SLC26A5: variants seen among roughly 807,000 people sequenced by gnomAD.
The protein encoded by SLC26A5 is prestin.
SLC26A5 carries 51 observed loss-of-function variants against 81.0 expected under a neutral mutation model. The ratio of observed to expected loss-of-function variants is 0.63; its 90% CI spans 0.50 to 0.80. The LOEUF is 0.80. Among genes scored for constraint, SLC26A5 ranks in the 30% least tolerant of loss-of-function variants. SLC26A5 has a pLI of 0.00. For missense variants in SLC26A5, 771 were observed against 905.8 expected (o/e 0.85, Z 1.91); for synonymous variants, 325 against 332.8 (o/e 0.98, Z 0.25).
At chr7:103,386,018 A>G (rs1332386234) in intron 14 of SLC26A5, among the ~76,000 whole-genome samples, 2 of 150,768 alleles carry the variant, frequency 1.3e-5, no homozygotes, top group African/African-American at 4.9e-5. Flanking sequence ...ACCTCAGTCT[A>G]TCAGGTTTAA....
intron 14 of SLC26A5, among the ~76,000 whole-genome samples, chr7:103,380,948 A>G (rs1005210650): frequency 2.0e-5 from 3 of 151,460 alleles, no homozygotes; most frequent in African/African-American, 7.3e-5. Flanking sequence ...TACCACACAT[A>G]TACATACACA....
intron 19 of SLC26A5, among the ~76,000 whole-genome samples, chr7:103,356,478 A>G (rs1820038484): frequency 6.6e-6 from 1 of 152,182 alleles, no homozygotes; most frequent in Admixed American, 6.5e-5. Flanking sequence ...GCAAATGTCC[A>G]TTTGTCTGAT....
intron 14 of SLC26A5, among the ~76,000 whole-genome samples, chr7:103,381,508 C>T (rs1821785813): frequency 6.6e-6 from 1 of 151,136 alleles, no homozygotes; most frequent in African/African-American, 2.4e-5. Context: ...ACACTACATG[C>T]CACACACAAT....
intron 2 of SLC26A5, among the ~76,000 whole-genome samples, chr7:103,424,078 T>C (rs1028033450): frequency 1.3e-5 from 2 of 152,186 alleles, no homozygotes; most frequent in African/African-American, 4.8e-5. Flanking sequence ...TAAAACCATT[T>C]GTAATCCAGG....
intron 11 of SLC26A5, 98 bp downstream of exon 11, chr7:103,391,524 G>T: frequency 1.0e-6 from 1 of 962,880 alleles, no homozygotes; most frequent in Non-Finnish European, 1.6e-6. Flanking sequence ...TGGATCTGCA[G>T]GCCAGAGTAG....
intron 19 of SLC26A5, among the ~76,000 whole-genome samples, chr7:103,357,064 G>A (rs1321444546): frequency 6.6e-6 from 1 of 152,048 alleles, no homozygotes; most frequent in Non-Finnish European, 1.5e-5. Flanking sequence ...GGCAGCTCAC[G>A]CCTGTAATCC....
In SLC26A5 at chr7:103,402,689, G is replaced by A. The variant is rs527758394; in HGVS notation, c.889-4675C>T. ...GCTCGGATTACAGGCGTGAGCCACC[G>A]TGCCCAGCCAGTAGTTTGTATTTCT... On this transcript the variant is annotated intron_variant, in intron 8 of 19. Coordinates refer to ENST00000306312, the MANE Select transcript of SLC26A5 (RefSeq NM_198999.3). 8.5e-5 allele frequency among the ~76,000 whole-genome samples: 13 copies of A among 152,116 alleles called. No individual in the cohort carries two copies. In the South Asian group the frequency reaches 1.5e-3, roughly 17 times the overall value.
Position 103,367,629 on chromosome 7 carries a change from T to C in SLC26A5, c.2041+9179A>G. ...CCCGATCTAGAGGTAAGAAAACCAT[T>C]TCATTTTAGGAAAGGGATTTTTGAA... is the stretch of plus-strand genomic sequence containing the variant. On this transcript the variant is annotated intron_variant, in intron 19 of 19. Transcript: ENST00000339444. This position sits in a 1 kb window ranked among gnomAD's most constrained non-coding sequence, Gnocchi z 6.1. 6.2e-7 allele frequency: 1 copy of C among 1,612,116 alleles called. No homozygotes were observed. Among genetic ancestry groups the C allele is most frequent in the South Asian group, 1.1e-5 (1 of 90,764 alleles).
Position 103,390,463 on chromosome 7 carries a change from A to G in SLC26A5, c.1277T>C (p.Leu426Ser). 6.2e-7 allele frequency: 1 copy of G among 1,614,226 alleles called. No individual in the cohort carries two copies. The highest frequency in any genetic ancestry group is 1.1e-5 in the South Asian group (1 of 91,078). Residue 426 changes from leucine (L) to serine (S), a missense_variant, in exon 12 of 20, where the codon TTA becomes TCA. Leu to Ser is a moderately radical substitution (Grantham distance 145). Coordinates refer to ENST00000306312, the MANE Select transcript of SLC26A5 (RefSeq NM_198999.3). ...TGATTCAAAGAGGAATCCAGTTGCT[A>G]ATATGACCAGCAGAATCATTAATGA... ...LASLMILLVI[L>S]ATGFLFESLP...
intron 19 of SLC26A5, among the ~76,000 whole-genome samples, chr7:103,357,050 G>C (rs1399747209): frequency 6.6e-6 from 1 of 152,040 alleles, no homozygotes; most frequent in African/African-American, 2.4e-5. Context: ...TTCAGGCTGG[G>C]CACGGCAGCT....
At position 103,412,979 on chromosome 7, in the gene SLC26A5, GAATATCA is replaced by G; in HGVS notation, c.403+16_403+22del. The G allele has an allele frequency of 6.9e-7, 1 of 1,457,208 alleles. No homozygotes were observed. Among genetic ancestry groups the G allele is most frequent in the South Asian group, 1.1e-5 (1 of 87,796 alleles). 90.3% of individuals were successfully genotyped at this position (1,457,208 alleles called of 1,614,324 possible). On this transcript the variant is annotated intron_variant, in intron 5 of 19. Coordinates refer to ENST00000306312, the MANE Select transcript of SLC26A5 (RefSeq NM_198999.3). ...TGGAAATACACAAGGAAAGGTAATA[GAATATCA>G]AATGTAAGCTTTTACCTATGGATAT...
rs1825271103 is a variant in SLC26A5 at position 103,420,603 on chromosome 7, G to A, written c.292+135C>T. The A allele has an allele frequency of 1.7e-5, 21 of 1,212,820 alleles. No individual in the cohort carries two copies. The South Asian group carries it at 2.9e-4, about 17-fold the overall frequency. The allele number at this position is 1,212,820 out of a possible 1,614,324, so 75.1% of individuals were successfully genotyped here. ...GGTTTAAGGATTACATGTTTCTGAAGAATACCTTTAGATAGGTAAAGGTTA... is the reference window on the plus strand; with the variant it reads ...GGTTTAAGGATTACATGTTTCTGAAAAATACCTTTAGATAGGTAAAGGTTA... On this transcript the variant is annotated intron_variant, in intron 4 of 19. Transcript: ENST00000306312.
intron 2 of SLC26A5, among the ~76,000 whole-genome samples, chr7:103,426,146 A>G (rs1825697615): frequency 6.6e-6 from 1 of 152,236 alleles, no homozygotes; most frequent in Non-Finnish European, 1.5e-5. Context: ...TTCTCAAGCA[A>G]AGTCTTGTTT....
In SLC26A5 at chr7:103,367,959, A is replaced by C. The variant is rs765372278; in HGVS notation, c.2041+8849T>G. On this transcript the variant is annotated intron_variant, in intron 19 of 19. Transcript: ENST00000339444. This position sits in a 1 kb window ranked among gnomAD's most constrained non-coding sequence, Gnocchi z 6.1. ...GTTTGCCATCAGAGCACGGCGAAAA[A>C]TTGCTACCGAGAAGGATTTCTTGGA... 4.3e-6 allele frequency: 7 copies of C among 1,614,120 alleles called. No homozygotes were observed. Among genetic ancestry groups the C allele is most frequent in the Non-Finnish European group, 5.9e-6 (7 of 1,180,010 alleles).
At chr7:103,422,684 G>A (rs1266731413) in intron 2 of SLC26A5, among the ~76,000 whole-genome samples, 2 of 152,176 alleles carry the variant, frequency 1.3e-5, no homozygotes, top group Non-Finnish European at 2.9e-5. Flanking sequence ...AGCAAAATGT[G>A]AAGATCTGAT....
intron 4 of SLC26A5, among the ~76,000 whole-genome samples, chr7:103,415,974 T>C (rs1207300514): frequency 6.6e-6 from 1 of 152,206 alleles, no homozygotes; most frequent in Non-Finnish European, 1.5e-5. Flanking sequence ...TCTCTTACTG[T>C]CTTTTTCTTC....
chr7:103,426,656 A>T (rs1825729801), intron 2 of SLC26A5, among the ~76,000 whole-genome samples: 1 of 152,190 alleles, frequency 6.6e-6, no homozygotes, highest in Non-Finnish European at 1.5e-5. Context: ...CAACTGGGAA[A>T]GGAAAGGAGA....
intron 14 of SLC26A5, among the ~76,000 whole-genome samples, chr7:103,384,921 C>T (rs1355984695): frequency 6.6e-6 from 1 of 152,132 alleles, no homozygotes; most frequent in Non-Finnish European, 1.5e-5. Context: ...GACAACGCAA[C>T]CTTTGAGGGG....
chr7:103,352,918 G>C (rs369412458), exon 20 of SLC26A5: 1 of 780,830 alleles, frequency 1.3e-6, no homozygotes, highest in Admixed American at 1.7e-5. Context: ...GGTCATCTCT[G>C]TATGAAAGCT....
Sources: allele counts gnomAD v4.1 joint callset (sites outside exome capture counted in the v4.1 genomes callset), GRCh38; gene constraint gnomAD v4.1.1; non-coding constraint Gnocchi (gnomAD v3.1); transcripts MANE v1.5; gene names NCBI Gene and HGNC (gene_info 2026-07-23, HGNC 2026-07-21).